The following LRCH1 variants were observed in gnomAD, a reference collection of about 807,000 sequenced individuals.
LRCH1 encodes the protein leucine-rich repeat and calponin homology domain-containing protein 1.
LRCH1 carries 23 observed loss-of-function variants against 94.9 expected under a neutral mutation model. The observed-to-expected ratio is 0.24, with a 90% CI of 0.17 to 0.34. The LOEUF (loss-of-function observed/expected upper bound fraction) is 0.34, where lower values mean the gene tolerates loss of function less well. Ranked by LOEUF, LRCH1 falls within the 10% of genes least tolerant of loss-of-function variation. LRCH1 has a pLI of 1.00. For missense variants in LRCH1, 790 were observed against 945.9 expected (o/e 0.84, Z 2.16); for synonymous variants, 364 against 354.9 (o/e 1.03, Z -0.29).
At position 46,553,198 on chromosome 13, in the gene LRCH1, A is replaced by C; in HGVS notation, c.-199A>C. On this transcript the variant is annotated 5_prime_UTR_variant, in exon 1 of 20. Coordinates refer to ENST00000389797, the MANE Select transcript of LRCH1 (RefSeq NM_001164211.2). ...GTCCTTAGCTTCCCGGGGACAGGAA[A>C]CCTTCAAGACCGAGCTGCCACGGCC... 4 of 557,000 alleles carry C rather than the reference A, an allele frequency of 7.2e-6. No homozygotes were observed. Among genetic ancestry groups the C allele is most frequent in the East Asian group, 3.4e-5 (1 of 29,550 alleles). The allele number at this position is 557,000 out of a possible 1,614,324, so 34.5% of individuals were successfully genotyped here. A position where few individuals can be genotyped will look rare whatever the true frequency, so the allele number is the denominator to read the frequency against.
At chr13:46,719,386 A>G (rs1210816166) in intron 16 of LRCH1, among the ~76,000 whole-genome samples, 1 of 152,266 alleles carries the variant, frequency 6.6e-6, no homozygotes, top group African/African-American at 2.4e-5. Flanking sequence ...GGAAACAGAC[A>G]TAAACATTTA....
chr13:46,650,377 C>A (rs1295178576), intron 2 of LRCH1, 32 bp downstream of exon 2: 4 of 1,528,656 alleles, frequency 2.6e-6, no homozygotes, highest in Non-Finnish European at 3.5e-6. Flanking sequence ...TAATCAAATT[C>A]AGTGAAAGAA....
At chr13:46,570,938 A>G (rs2050234507) in intron 1 of LRCH1, among the ~76,000 whole-genome samples, 1 of 152,254 alleles carries the variant, frequency 6.6e-6, no homozygotes, top group Admixed American at 6.5e-5. Flanking sequence ...AGCTGTCTCC[A>G]GTCAGGCAGC....
intron 5 of LRCH1, 50 bp downstream of exon 5, chr13:46,686,091 G>A (rs1212016699): frequency 2.2e-6 from 3 of 1,394,108 alleles, no homozygotes; most frequent in Non-Finnish European, 1.9e-6. Flanking sequence ...TGCTGTTATA[G>A]GAGCCAAGGG....
intron 13 of LRCH1, 90 bp from the exon 14 acceptor site, chr13:46,711,701 G>T (rs564662286): frequency 1.2e-5 from 11 of 896,116 alleles, no homozygotes; most frequent in Admixed American, 7.9e-5. Flanking sequence ...TATGGACCGG[G>T]GACATGATGG....
Position 46,613,094 on chromosome 13 carries a change from A to G in LRCH1, c.308-37107A>G, listed in dbSNP as rs1039121835. Among the ~76,000 whole-genome samples the G allele has an allele frequency of 3.3e-5, 5 of 152,328 alleles. No individual in the cohort carries two copies. The East Asian group carries it at 7.7e-4, about 23-fold the overall frequency. On this transcript the variant is annotated intron_variant, in intron 1 of 19. Coordinates refer to ENST00000389797, the MANE Select transcript of LRCH1 (RefSeq NM_001164211.2). ...TTACCAGGTTTTTAATTTTCTTTAA[A>G]AAAATGCATTTCTAGGGCTGGGCGT...
Position 46,643,513 on chromosome 13 carries a change from C to T in LRCH1, c.308-6688C>T, listed in dbSNP as rs1032969779. Among the ~76,000 whole-genome samples, 7 of 152,112 alleles carry T rather than the reference C, an allele frequency of 4.6e-5. 1 individual carries two copies. Among genetic ancestry groups the T allele is most frequent in the Admixed American group, 2.0e-4 (3 of 15,276 alleles). ...AGGACAGAAAAATTTTGAACATGTACGTATATCTTTCGCTCCCACTGTTTG... is the reference window on the plus strand; with the variant it reads ...AGGACAGAAAAATTTTGAACATGTATGTATATCTTTCGCTCCCACTGTTTG... On this transcript the variant is annotated intron_variant, in intron 1 of 19. Coordinates refer to ENST00000389797, the MANE Select transcript of LRCH1 (RefSeq NM_001164211.2).
chr13:46,579,472 T>TC (rs2050341630), intron 1 of LRCH1, among the ~76,000 whole-genome samples: 1 of 151,824 alleles, frequency 6.6e-6, no homozygotes, highest in Non-Finnish European at 1.5e-5. Flanking sequence ...TCTTTTTTTT[T>TC]TTTAACCATA....
Position 46,742,376 on chromosome 13 carries a change from A to T in LRCH1, c.*528A>T, listed in dbSNP as rs1873708284. 3 of 993,166 alleles carry T rather than the reference A, an allele frequency of 3.0e-6. No individual in the cohort carries two copies. Among genetic ancestry groups the T allele is most frequent in the Non-Finnish European group, 2.4e-6 (2 of 834,476 alleles). 61.5% of individuals were successfully genotyped at this position (993,166 alleles called of 1,614,324 possible). A position where few individuals can be genotyped will look rare whatever the true frequency, so the allele number is the denominator to read the frequency against. On this transcript the variant is annotated 3_prime_UTR_variant, in exon 20 of 20. Coordinates refer to ENST00000389797, the MANE Select transcript of LRCH1 (RefSeq NM_001164211.2). ...CAAAACTTTAATAATACCACTACTG[A>T]CCAAGTTGGACGTGTACACGTACTC...
intron 2 of LRCH1, among the ~76,000 whole-genome samples, chr13:46,660,012 T>C (rs1002163327): frequency 6.8e-6 from 1 of 147,988 alleles, no homozygotes; most frequent in African/African-American, 2.5e-5. Context: ...GAAGTCTCAC[T>C]TTCTGTATTC....
downstream of LRCH1, among the ~76,000 whole-genome samples, chr13:46,746,998 T>C (rs1473973510): frequency 6.6e-6 from 1 of 152,116 alleles, no homozygotes; most frequent in Non-Finnish European, 1.5e-5. Flanking sequence ...GCCATGCTTG[T>C]ATAAGGTTTC....
intron 16 of LRCH1, among the ~76,000 whole-genome samples, chr13:46,721,899 A>G (rs1333356066): frequency 6.6e-6 from 1 of 152,262 alleles, no homozygotes; most frequent in Non-Finnish European, 1.5e-5. Flanking sequence ...GAACTAATTT[A>G]GAAAGAAAAT....
At chr13:46,577,206 C>T (rs565854835) in intron 1 of LRCH1, among the ~76,000 whole-genome samples, 6 of 152,312 alleles carry the variant, frequency 3.9e-5, no homozygotes, top group South Asian at 2.1e-4. Flanking sequence ...AAATGATCCT[C>T]CCACCTCAGC....
At chr13:46,700,706 T>G (rs1376312126) in intron 10 of LRCH1, among the ~76,000 whole-genome samples, 1 of 152,144 alleles carries the variant, frequency 6.6e-6, no homozygotes. Flanking sequence ...TGAAACCCTA[T>G]ATGCATGAAA....
chr13:46,629,278 G>T (rs1350756337), intron 1 of LRCH1, among the ~76,000 whole-genome samples: 3 of 150,752 alleles, frequency 2.0e-5, no homozygotes, highest in Non-Finnish European at 4.4e-5. Context: ...AACACTGATT[G>T]TCTTCTCAGG....
chr13:46,553,519 C>T lies in LRCH1; in HGVS notation c.123C>T (p.Ala41=). ...HHHQHHGGTG[A]PGGAGGGGGG... is the part of the protein sequence containing the mutation. ...ATCAGCACCACGGAGGAACCGGCGC[C>T]CCCGGCGGGGCGGGTGGTGGCGGCG... Residue 41 remains alanine, a synonymous_variant, in exon 1 of 20, where the codon GCC becomes GCT. Transcript: ENST00000389797. 1 of 1,546,716 alleles carries T rather than the reference C, an allele frequency of 6.5e-7. No individual in the cohort carries two copies. The highest frequency in any genetic ancestry group is 8.7e-7 in the Non-Finnish European group (1 of 1,145,028).
chr13:46,672,612 G>A (rs550271570), intron 3 of LRCH1, among the ~76,000 whole-genome samples: 26 of 152,290 alleles, frequency 1.7e-4, no homozygotes, highest in South Asian at 1.0e-3. Flanking sequence ...TGTAAACAGC[G>A]TTGTCTCCAG....
intron 18 of LRCH1, 77 bp downstream of exon 18, chr13:46,729,061 T>C: frequency 7.0e-7 from 1 of 1,418,828 alleles, no homozygotes; most frequent in Non-Finnish European, 9.6e-7. Context: ...AGGATGTCAA[T>C]GGTGTCAGTA....
At chr13:46,700,069 ATATT>A (rs1274445110) in intron 10 of LRCH1, among the ~76,000 whole-genome samples, 1 of 152,176 alleles carries the variant, frequency 6.6e-6, no homozygotes, top group Admixed American at 6.5e-5. Context: ...TTGTGTATAA[ATATT>A]TATTTAGCAA....
Sources: allele counts gnomAD v4.1 joint callset (sites outside exome capture counted in the v4.1 genomes callset), GRCh38; gene constraint gnomAD v4.1.1; transcripts MANE v1.5; gene names NCBI Gene and HGNC (gene_info 2026-07-23, HGNC 2026-07-21).